ANKIB1: variants seen among roughly 807,000 people sequenced by gnomAD.
The protein encoded by ANKIB1 is ankyrin repeat and IBR domain-containing protein 1.
ANKIB1 carries 43 observed loss-of-function variants against 122.1 expected under a neutral mutation model. That is an observed-to-expected ratio of 0.35 (90% CI 0.28 to 0.45). The LOEUF (loss-of-function observed/expected upper bound fraction) is 0.45, where lower values mean the gene tolerates loss of function less well. Ranked by LOEUF, ANKIB1 falls within the 20% of genes least tolerant of loss-of-function variation. The pLI is 1.00. For synonymous variants in ANKIB1, 390 were observed against 442.0 expected, an observed-to-expected ratio of 0.88 and a Z score of 1.48; for missense variants, 992 against 1,329.5, an observed-to-expected ratio of 0.75 and a Z score of 3.95.
At chr7:92,365,828 G>T (rs1441818730) in intron 10 of ANKIB1, among the ~76,000 whole-genome samples, 1 of 95,542 alleles carries the variant, frequency 1.0e-5, no homozygotes, top group African/African-American at 4.4e-5. Flanking sequence ...AGACAGTCTC[G>T]CTCTGTCGCC....
In ANKIB1 at chr7:92,344,251, C is replaced by T. The variant is rs572000456; in HGVS notation, c.997-727C>T. ...CGGAGTTTCACTCTTGTTGCCGAGG[C>T]TGGAGTGTAATGGCATGACCTCGGC... On this transcript the variant is annotated intron_variant, in intron 6 of 19. Transcript: ENST00000265742. 1.1e-4 allele frequency among the ~76,000 whole-genome samples: 13 copies of T among 121,224 alleles called. No individual in the cohort carries two copies. The South Asian group carries it at 3.1e-3, about 29-fold the overall frequency. The allele number at this position is 121,224 out of a possible 152,430, so 79.5% of individuals were successfully genotyped here.
intron 11 of ANKIB1, among the ~76,000 whole-genome samples, chr7:92,383,447 A>G (rs1261989097): frequency 6.6e-6 from 1 of 152,192 alleles, no homozygotes; most frequent in African/African-American, 2.4e-5. Context: ...AAAAAAGAGA[A>G]TTTTAGACTG....
chr7:92,390,237 T>C (rs1197851802), intron 15 of ANKIB1, 121 bp downstream of exon 15: 6 of 784,278 alleles, frequency 7.7e-6, no homozygotes, highest in African/African-American at 3.7e-5. Context: ...TTTCTTTTCA[T>C]TTTTTAAATG....
chr7:92,327,077 C>T (rs1241475877), intron 4 of ANKIB1, among the ~76,000 whole-genome samples: 3 of 152,146 alleles, frequency 2.0e-5, no homozygotes, highest in African/African-American at 7.2e-5. Context: ...CAATAATACC[C>T]AAGAACTTGA....
Position 92,400,512 on chromosome 7 carries a change from G to C in ANKIB1, c.*1563G>C, listed in dbSNP as rs1014666882. On this transcript the variant is annotated 3_prime_UTR_variant, in exon 20 of 20. Coordinates refer to ENST00000265742, the MANE Select transcript of ANKIB1 (RefSeq NM_019004.2). ...AACTTTCAGTTCTGAGTTTGTACAG[G>C]CAAGTCCTGGGCTGGGTAAAAAGTT... is the stretch of plus-strand genomic sequence containing the variant. 2.0e-5 allele frequency: 3 copies of C among 152,122 alleles called. No individual in the cohort carries two copies. Among genetic ancestry groups the C allele is most frequent in the African/African-American group, 7.2e-5 (3 of 41,434 alleles). 9.4% of individuals were successfully genotyped at this position (152,122 alleles called of 1,614,324 possible). A position where few individuals can be genotyped will look rare whatever the true frequency, so the allele number is the denominator to read the frequency against.
chr7:92,300,230 A>G (rs1434421748), intron 2 of ANKIB1, among the ~76,000 whole-genome samples: 1 of 152,190 alleles, frequency 6.6e-6, no homozygotes, highest in African/African-American at 2.4e-5. Context: ...ATTCTATTGA[A>G]TGCGTATTTA....
chr7:92,390,056 T>C lies in ANKIB1; in HGVS notation c.1992T>C (p.Tyr664=). The C allele has an allele frequency of 1.9e-6, 3 of 1,601,156 alleles. No individual in the cohort carries two copies. Among genetic ancestry groups the C allele is most frequent in the South Asian group, 1.2e-5 (1 of 86,890 alleles). ...LKTRRILKCS[Y]PYGFFLEPKS... The stretch of plus-strand genomic sequence containing the variant: ...CTCGGCGCATTCTCAAGTGTTCTTA[T>C]CCATATGGATTTTTCTTGGAACCTA... Residue 664 remains tyrosine (Y), a synonymous_variant, in exon 15 of 20, where the codon TAT becomes TAC. Coordinates refer to ENST00000265742, the MANE Select transcript of ANKIB1 (RefSeq NM_019004.2).
chr7:92,292,036 T>C (rs994284191), intron 1 of ANKIB1, among the ~76,000 whole-genome samples: 2 of 152,196 alleles, frequency 1.3e-5, no homozygotes, highest in African/African-American at 4.8e-5. Context: ...CTCATGAAGC[T>C]CTATACATAG....
At chr7:92,339,721 A>G (rs977154034) in intron 5 of ANKIB1, among the ~76,000 whole-genome samples, 2 of 152,140 alleles carry the variant, frequency 1.3e-5, no homozygotes, top group African/African-American at 4.8e-5. Flanking sequence ...CTCTCTACAT[A>G]TAGCTGTATC....
At chr7:92,323,985 G>T (rs1562782197) in intron 4 of ANKIB1, among the ~76,000 whole-genome samples, 1 of 152,236 alleles carries the variant, frequency 6.6e-6, no homozygotes, top group South Asian at 2.1e-4. Flanking sequence ...TTCTGCAGGA[G>T]CTGCTGGCTT....
chr7:92,395,256 G>C (rs1804862658), intron 17 of ANKIB1, among the ~76,000 whole-genome samples: 1 of 152,160 alleles, frequency 6.6e-6, no homozygotes, highest in Non-Finnish European at 1.5e-5. Flanking sequence ...GAGGACATCT[G>C]CCTAAGTCTG....
At chr7:92,355,317 G>C (rs1803774222) in intron 9 of ANKIB1, among the ~76,000 whole-genome samples, 1 of 151,810 alleles carries the variant, frequency 6.6e-6, no homozygotes, top group East Asian at 1.9e-4. Context: ...CTTCTGAACT[G>C]ACACAAAGTG....
intron 1 of ANKIB1, among the ~76,000 whole-genome samples, chr7:92,267,360 C>G (rs897692648): frequency 3.9e-5 from 6 of 152,080 alleles, no homozygotes; most frequent in Non-Finnish European, 8.8e-5. Flanking sequence ...ACTAGTACCC[C>G]AGAAGCCTTC....
chr7:92,374,439 T>C (rs1289265137), intron 11 of ANKIB1, among the ~76,000 whole-genome samples: 1 of 152,044 alleles, frequency 6.6e-6, no homozygotes, highest in African/African-American at 2.4e-5. Context: ...GATTGTGCCA[T>C]TGCACTCCAG....
intron 4 of ANKIB1, among the ~76,000 whole-genome samples, chr7:92,325,291 A>T (rs1291487415): frequency 6.6e-6 from 1 of 152,216 alleles, no homozygotes; most frequent in Admixed American, 6.5e-5. Context: ...CTCATGCTGG[A>T]CATTGCTGGC....
intron 11 of ANKIB1, among the ~76,000 whole-genome samples, chr7:92,372,913 A>C (rs548026663): frequency 1.1e-4 from 17 of 152,198 alleles, no homozygotes; most frequent in Admixed American, 3.3e-4. Context: ...TTAGGACATG[A>C]AGGAAATTTA....
At chr7:92,343,344 C>T in intron 6 of ANKIB1, 112 bp downstream of exon 6, 1 of 903,376 alleles carries the variant, frequency 1.1e-6, no homozygotes, top group South Asian at 1.6e-5. Context: ...TAATTGAATC[C>T]TATCCCTTTC....
At chr7:92,390,167 G>A in intron 15 of ANKIB1, 51 bp downstream of exon 15, 1 of 1,354,258 alleles carries the variant, frequency 7.4e-7, no homozygotes, top group Non-Finnish European at 9.8e-7. Flanking sequence ...ATGAAATACA[G>A]AATTTTTCAT....
intron 2 of ANKIB1, among the ~76,000 whole-genome samples, chr7:92,305,871 C>T (rs145487340): frequency 2.6e-4 from 40 of 152,184 alleles, no homozygotes; most frequent in Non-Finnish European, 5.3e-4. Flanking sequence ...ATTTACTGCC[C>T]GTGAGATATG....
Sources: allele counts gnomAD v4.1 joint callset (sites outside exome capture counted in the v4.1 genomes callset), GRCh38; gene constraint gnomAD v4.1.1; transcripts MANE v1.5; gene names NCBI Gene and HGNC (gene_info 2026-07-23, HGNC 2026-07-21).